Variants in WNK1 observed in about 807,000 individuals in gnomAD.
WNK1 encodes serine/threonine-protein kinase WNK1.
WNK1 carries 38 observed loss-of-function variants against 222.8 expected under a neutral mutation model. The ratio of observed to expected loss-of-function variants is 0.17; its 90% CI spans 0.13 to 0.22. WNK1 has a LOEUF of 0.22. WNK1 is among the 10% of genes least tolerant of loss of function. WNK1 has a pLI of 1.00. For synonymous variants in WNK1, 1,090 were observed against 1,092.9 expected, an observed-to-expected ratio of 1.00 and a Z score of 0.05; for missense variants, 2,348 against 2,918.4, an observed-to-expected ratio of 0.80 and a Z score of 4.50.
chr12:816,243 G>A (rs1027825113), intron 2 of WNK1, among the ~76,000 whole-genome samples: 1 of 152,092 alleles, frequency 6.6e-6, no homozygotes, highest in African/African-American at 2.4e-5. Flanking sequence ...TGCTACCAGT[G>A]TTCTTAATTA....
intron 1 of WNK1, among the ~76,000 whole-genome samples, chr12:797,745 A>C (rs1185693937): frequency 6.6e-6 from 1 of 152,048 alleles, no homozygotes; most frequent in Non-Finnish European, 1.5e-5. Flanking sequence ...CAAGAGTTCG[A>C]GACGAGCCTG....
At chr12:788,886 CGG>C (rs200013881) in intron 1 of WNK1, among the ~76,000 whole-genome samples, 1 of 148,228 alleles carries the variant, frequency 6.7e-6, no homozygotes, top group Non-Finnish European at 1.5e-5. Context: ...GACTCTGTCT[CGG>C]GGGGGAAAAA....
chr12:800,391 C>G (rs1394468496), intron 1 of WNK1, among the ~76,000 whole-genome samples: 1 of 151,896 alleles, frequency 6.6e-6, no homozygotes, highest in Non-Finnish European at 1.5e-5. Flanking sequence ...TATAGCTTTC[C>G]TCTAGCATTC....
chr12:808,786 G>A (rs1946627817), intron 1 of WNK1, among the ~76,000 whole-genome samples: 1 of 145,098 alleles, frequency 6.9e-6, no homozygotes. Flanking sequence ...TTTTTGAGAA[G>A]GAGTTCCACT....
rs781178243 is a variant in WNK1, at chr12:880,888, A to G, written c.3000A>G (p.Glu1000=). The G allele has an allele frequency of 2.5e-6, 4 of 1,614,028 alleles. No individual in the cohort carries two copies. In the South Asian group the frequency reaches 4.4e-5, roughly 18 times the overall value. Residue 1000 remains glutamate, a synonymous_variant, in exon 12 of 28, where the codon GAA becomes GAG. Transcript: ENST00000315939. Reference sequence around the variant, plus strand: ...CCACAGTGGTGCAGCCTTATGTGGAATCAAATCTTTTAGTTCCTATGGGTG... The same window carrying G: ...CCACAGTGGTGCAGCCTTATGTGGAGTCAAATCTTTTAGTTCCTATGGGTG... The part of the protein sequence containing the change: ...YFPTVVQPYV[E]SNLLVPMGGV...
In WNK1 at chr12:862,277, A is replaced by G. The variant is rs757902795; in HGVS notation, c.2139+7A>G. 11 of 1,613,926 alleles carry G rather than the reference A, an allele frequency of 6.8e-6. No homozygotes were observed. The African/African-American group carries it at 1.5e-4, about 22-fold the overall frequency. ...ATATCCACCCTCAAGTGTGGTAAGT[A>G]AATGCTTAAGAGCATGTAATACTAC... On this transcript the variant is annotated splice_region_variant and intron_variant, in intron 8 of 27. Coordinates refer to ENST00000315939, the MANE Select transcript of WNK1 (RefSeq NM_018979.4).
At chr12:768,156 A>G (rs1405753308) in intron 1 of WNK1, among the ~76,000 whole-genome samples, 2 of 152,116 alleles carry the variant, frequency 1.3e-5, no homozygotes, top group Non-Finnish European at 2.9e-5. Context: ...TTTGAGGCAG[A>G]GTCTCTCTCT....
chr12:907,817 T>A (rs775416169), intron 26 of WNK1, 30 bp from the exon 27 acceptor site: 13 of 1,612,424 alleles, frequency 8.1e-6, no homozygotes, highest in Non-Finnish European at 1.1e-5. Context: ...TAGGCTTCTT[T>A]TAATGCTCGT....
intron 1 of WNK1, among the ~76,000 whole-genome samples, chr12:777,048 G>T (rs557877383): frequency 6.6e-6 from 1 of 151,372 alleles, no homozygotes; most frequent in East Asian, 1.9e-4. Flanking sequence ...AGAATTATGT[G>T]TATATTTAAA....
At chr12:887,963 G>C (rs893765594) in intron 20 of WNK1, among the ~76,000 whole-genome samples, 1 of 152,052 alleles carries the variant, frequency 6.6e-6, no homozygotes, top group Non-Finnish European at 1.5e-5. Context: ...CTTGAGTGCA[G>C]TGGTGGACAG....
chr12:794,545 T>C (rs908963533), intron 1 of WNK1, among the ~76,000 whole-genome samples: 2 of 151,918 alleles, frequency 1.3e-5, no homozygotes, highest in African/African-American at 4.8e-5. Flanking sequence ...ACTTCGGTGC[T>C]TTTTCTGTGT....
chr12:861,341 T>C lies in WNK1; in HGVS notation c.1949T>C (p.Leu650Ser), dbSNP rs1951202007. ...LQYQQPSISV[L>S]SDGTVDSGQG... ...TACCAGCAACCCAGTATATCTGTGT[T>C]ATGTACGTATCTTGGGAAGTGGACA... Residue 650 changes from leucine (L) to serine (S), a missense_variant and splice_region_variant, in exon 7 of 28, where the codon TTA (leucine) becomes TCA (serine). Transcript: ENST00000315939. The C allele has an allele frequency of 6.2e-7, 1 of 1,614,100 alleles. No homozygotes were observed. Among genetic ancestry groups the C allele is most frequent in the African/African-American group, 1.3e-5 (1 of 75,048 alleles).
intron 4 of WNK1, among the ~76,000 whole-genome samples, chr12:839,821 A>AT (rs1359538486): frequency 3.3e-5 from 5 of 149,306 alleles, no homozygotes; most frequent in African/African-American, 1.2e-4. Flanking sequence ...GGTTCAAGTG[A>AT]TTTTCCTGCC....
At chr12:879,132 T>A (rs989137072) in intron 10 of WNK1, among the ~76,000 whole-genome samples, 7 of 152,210 alleles carry the variant, frequency 4.6e-5, no homozygotes, top group African/African-American at 1.7e-4. Flanking sequence ...ATAATACGAA[T>A]GAAATCTTAA....
intron 8 of WNK1, chr12:868,893 T>C: frequency 2.5e-6 from 4 of 1,607,562 alleles, no homozygotes; most frequent in Non-Finnish European, 3.4e-6. Flanking sequence ...TCCTCACAAA[T>C]CACTTCTTCA....
Position 894,556 on chromosome 12 carries a change from T to TTG in WNK1, c.5510-5_5510-4insGT, listed in dbSNP as rs750068934. On this transcript the variant is annotated splice_region_variant and splice_polypyrimidine_tract_variant and intron_variant, in intron 22 of 27. Transcript: ENST00000315939. ...TATGTTTTCCTCATCCATGTATTTG[T>TTG]TTCAGTTTCTCAAGTCAAAGAAGGC... 1 of 1,613,196 alleles carries TTG rather than the reference T, an allele frequency of 6.2e-7. No homozygotes were observed. The highest frequency in any genetic ancestry group is 8.5e-7 in the Non-Finnish European group (1 of 1,179,222).
chr12:906,468 G>C, intron 26 of WNK1: 2 of 985,312 alleles, frequency 2.0e-6, no homozygotes, highest in Non-Finnish European at 2.4e-6. Flanking sequence ...TTCTACATGG[G>C]AGTGCTTGCT....
chr12:820,352 T>C (rs1421137539), intron 2 of WNK1, among the ~76,000 whole-genome samples: 1 of 152,204 alleles, frequency 6.6e-6, no homozygotes, highest in African/African-American at 2.4e-5. Flanking sequence ...CCTTTTCAGA[T>C]TGTTAATTGC....
intron 10 of WNK1, 88 bp downstream of exon 10, chr12:878,449 G>A: frequency 7.0e-7 from 1 of 1,421,466 alleles, no homozygotes; most frequent in Non-Finnish European, 9.7e-7. Context: ...GTCCTTTCAT[G>A]TGGATAGACT....
Sources: allele counts gnomAD v4.1 joint callset (sites outside exome capture counted in the v4.1 genomes callset), GRCh38; gene constraint gnomAD v4.1.1; transcripts MANE v1.5; gene names NCBI Gene and HGNC (gene_info 2026-07-23, HGNC 2026-07-21).